ITGAV: variants seen among roughly 807,000 people sequenced by gnomAD.
ITGAV encodes integrin alpha-V.
ITGAV carries 76 observed loss-of-function variants against 143.8 expected under a neutral mutation model. The observed-to-expected ratio is 0.53, with a 90% CI of 0.44 to 0.64. ITGAV has a LOEUF of 0.64. Among genes scored for constraint, ITGAV ranks in the 30% least tolerant of loss-of-function variants. The probability of loss-of-function intolerance (pLI) is 0.00; values close to 1 mark genes in which losing one functional copy is unlikely to be tolerated. For synonymous variants in ITGAV, 453 were observed against 446.7 expected, an observed-to-expected ratio of 1.01 and a Z score of -0.18; for missense variants, 1,193 against 1,274.7, an observed-to-expected ratio of 0.94 and a Z score of 0.98.
chr2:186,618,522 G>C (rs1687431099), intron 2 of ITGAV, among the ~76,000 whole-genome samples: 2 of 152,172 alleles, frequency 1.3e-5, no homozygotes, highest in African/African-American at 2.4e-5. Context: ...TAAAGAAATA[G>C]GAAACAGAAC....
intron 5 of ITGAV, among the ~76,000 whole-genome samples, chr2:186,632,424 T>G (rs911575128): frequency 6.6e-6 from 1 of 152,070 alleles, no homozygotes; most frequent in Non-Finnish European, 1.5e-5. Context: ...AGAAGTTCTT[T>G]TACGTAGCCA....
intron 13 of ITGAV, among the ~76,000 whole-genome samples, chr2:186,648,445 G>A (rs969896794): frequency 2.0e-5 from 3 of 152,112 alleles, no homozygotes; most frequent in African/African-American, 7.2e-5. Flanking sequence ...AACAGTTTGT[G>A]ATTCTAGAAA....
intron 3 of ITGAV, among the ~76,000 whole-genome samples, chr2:186,624,487 ACT>A (rs773478095): frequency 2.6e-5 from 4 of 151,850 alleles, no homozygotes; most frequent in Non-Finnish European, 5.9e-5. Flanking sequence ...CAAGCCACCC[ACT>A]CTGGAGCGTC....
intron 1 of ITGAV, among the ~76,000 whole-genome samples, chr2:186,596,483 T>G (rs956993614): frequency 3.7e-4 from 56 of 151,544 alleles, no homozygotes; most frequent in Middle Eastern, 3.4e-3. Context: ...GGAGTCTTGC[T>G]CTGTTGCCCA....
chr2:186,650,597 G>T (rs905774270), intron 14 of ITGAV, among the ~76,000 whole-genome samples: 2 of 150,806 alleles, frequency 1.3e-5, no homozygotes, highest in Non-Finnish European at 3.0e-5. Context: ...CCAATCTGGA[G>T]TACAGTGGTG....
chr2:186,621,910 C>T (rs1362134155), intron 2 of ITGAV, among the ~76,000 whole-genome samples: 1 of 152,172 alleles, frequency 6.6e-6, no homozygotes, highest in East Asian at 1.9e-4. Context: ...ATGTCTTAGG[C>T]ACACGTCTCA....
chr2:186,656,206 C>CA, intron 16 of ITGAV, 41 bp from the exon 17 acceptor site: 1 of 1,462,028 alleles, frequency 6.8e-7, no homozygotes, highest in South Asian at 1.3e-5. Context: ...GATAGATGTC[C>CA]ATAAAGAATA....
At chr2:186,603,798 TA>T (rs1450684613) in intron 2 of ITGAV, among the ~76,000 whole-genome samples, 1 of 152,106 alleles carries the variant, frequency 6.6e-6, no homozygotes, top group Non-Finnish European at 1.5e-5. Context: ...AAACAAATTT[TA>T]AAGAGTCTCA....
chr2:186,596,909 G>A (rs1686764704), intron 1 of ITGAV, among the ~76,000 whole-genome samples: 1 of 151,964 alleles, frequency 6.6e-6, no homozygotes, highest in Non-Finnish European at 1.5e-5. Context: ...ATGGCATTTT[G>A]GATGAAAAAC....
chr2:186,675,510 C>A, intron 26 of ITGAV, 94 bp from the exon 27 acceptor site: 1 of 794,684 alleles, frequency 1.3e-6, no homozygotes, highest in East Asian at 2.6e-5. Flanking sequence ...ATCTCTTTGG[C>A]CATCACACAA....
chr2:186,634,820 G>C (rs1559051871), intron 6 of ITGAV, among the ~76,000 whole-genome samples: 1 of 152,114 alleles, frequency 6.6e-6, no homozygotes, highest in Non-Finnish European at 1.5e-5. Context: ...TAGAAATATG[G>C]ATTTATTTTT....
chr2:186,650,748 C>G (rs61762242), intron 14 of ITGAV, among the ~76,000 whole-genome samples: 1 of 151,892 alleles, frequency 6.6e-6, no homozygotes, highest in African/African-American at 2.4e-5. Flanking sequence ...CAGGGTCTTG[C>G]CATGTTATCT....
At chr2:186,646,652 A>T in intron 12 of ITGAV, 34 bp from the exon 13 acceptor site, 8 of 1,488,010 alleles carry the variant, frequency 5.4e-6, no homozygotes, top group Admixed American at 1.9e-5. Context: ...TACTTCTGTC[A>T]TTCTCCTTCC....
At chr2:186,618,415 C>T (rs911344304) in intron 2 of ITGAV, among the ~76,000 whole-genome samples, 1 of 152,148 alleles carries the variant, frequency 6.6e-6, no homozygotes, top group African/African-American at 2.4e-5. Flanking sequence ...CAAATTTGTA[C>T]TGATTTTGCA....
intron 18 of ITGAV, among the ~76,000 whole-genome samples, chr2:186,663,321 G>A (rs1688799764): frequency 6.6e-6 from 1 of 151,950 alleles, no homozygotes; most frequent in Admixed American, 6.6e-5. Flanking sequence ...TTTATCCTCT[G>A]CAGCCCTATT....
At chr2:186,675,511 C>T (rs1355861559) in intron 26 of ITGAV, 93 bp from the exon 27 acceptor site, 1 of 805,524 alleles carries the variant, frequency 1.2e-6, no homozygotes, top group Non-Finnish European at 2.1e-6. Flanking sequence ...TCTCTTTGGC[C>T]ATCACACAAA....
In ITGAV at chr2:186,646,737, A is replaced by G. The variant is rs766879669; in HGVS notation, c.1211A>G (p.Tyr404Cys). Residue 404 changes from tyrosine to cysteine, a missense_variant, in exon 13 of 30, where the codon TAT becomes TGT. Tyr to Cys is a radical substitution (Grantham distance 194). Transcript: ENST00000261023. ...GGTGAAGATAAAAAAGGAATTGTTT[A>G]TATCTTCAATGGAAGATCAACAGGC... The part of the protein sequence containing the change: ...YGGEDKKGIV[Y>C]IFNGRSTGLN... 1.9e-6 allele frequency: 3 copies of G among 1,609,108 alleles called. No individual in the cohort carries two copies. Among genetic ancestry groups the G allele is most frequent in the Non-Finnish European group, 2.5e-6 (3 of 1,176,930 alleles).
At chr2:186,599,839 T>C (rs1433917591) in intron 1 of ITGAV, among the ~76,000 whole-genome samples, 1 of 152,218 alleles carries the variant, frequency 6.6e-6, no homozygotes, top group Non-Finnish European at 1.5e-5. Flanking sequence ...TTTTCTCTCA[T>C]ATTCAGGCCT....
intron 14 of ITGAV, among the ~76,000 whole-genome samples, chr2:186,650,380 A>G (rs1488158553): frequency 6.6e-6 from 1 of 152,066 alleles, no homozygotes; most frequent in Non-Finnish European, 1.5e-5. Context: ...TTGTATTTTT[A>G]GTAGAGACAG....
Sources: allele counts gnomAD v4.1 joint callset (sites outside exome capture counted in the v4.1 genomes callset), GRCh38; gene constraint gnomAD v4.1.1; transcripts MANE v1.5; gene names NCBI Gene and HGNC (gene_info 2026-07-23, HGNC 2026-07-21).